The following SIGLEC9 variants were observed in gnomAD, a reference collection of about 807,000 sequenced individuals.
The protein encoded by SIGLEC9 is sialic acid-binding Ig-like lectin 9.
A neutral mutation model predicts 38.3 loss-of-function variants in SIGLEC9; 26 were observed. The observed-to-expected ratio is 0.68, with a 90% confidence interval of 0.50 to 0.94. The LOEUF (loss-of-function observed/expected upper bound fraction) is 0.94, where lower values mean the gene tolerates loss of function less well. Ranked by LOEUF, SIGLEC9 falls within the 40% of genes least tolerant of loss-of-function variation. SIGLEC9 has a pLI of 0.00. For missense variants in SIGLEC9, 556 were observed against 585.7 expected (o/e 0.95, Z 0.52); for synonymous variants, 236 against 248.0 (o/e 0.95, Z 0.45).
At chr19:51,130,743 G>T (rs77352229), downstream of SIGLEC9, among the ~76,000 whole-genome samples, 291 of 152,226 alleles carry the variant, frequency 1.9e-3, no homozygotes, top group African/African-American at 6.8e-3. Flanking sequence ...CCCATCCATG[G>T]CTCCTGGATC....
chr19:51,134,071 A>G (rs2092030346), downstream of SIGLEC9, among the ~76,000 whole-genome samples: 1 of 146,646 alleles, frequency 6.8e-6, no homozygotes, highest in Non-Finnish European at 1.5e-5. Context: ...TCAGGTTGGG[A>G]GTGGGATTTG....
downstream of SIGLEC9, among the ~76,000 whole-genome samples, chr19:51,133,446 T>C (rs978403762): frequency 1.4e-5 from 2 of 147,632 alleles, no homozygotes; most frequent in Admixed American, 6.8e-5. Context: ...ATTAGCTGGG[T>C]GTGGTGGCAG....
At position 51,125,860 on chromosome 19, in the gene SIGLEC9, C is replaced by T. The variant is rs776863887; in HGVS notation, c.685C>T (p.His229Tyr). 3 of 1,614,034 alleles carry T rather than the reference C, an allele frequency of 1.9e-6. No individual in the cohort carries two copies. Among genetic ancestry groups the T allele is most frequent in the Non-Finnish European group, 2.5e-6 (3 of 1,180,026 alleles). ...CAGCGTGACCACGAACAAGACCGTCCATCTCAACGTGTCCTGTGAGTGCTG... is the reference window on the plus strand; with the variant it reads ...CAGCGTGACCACGAACAAGACCGTCTATCTCAACGTGTCCTGTGAGTGCTG... ...GASVTTNKTVHLNVSYPPQNL... is the reference protein window; with the variant it reads ...GASVTTNKTVYLNVSYPPQNL... Residue 229 changes from histidine to tyrosine, a missense_variant, in exon 2 of 7, where the codon CAT (histidine) becomes TAT (tyrosine). Physicochemically the swap from His to Tyr is moderately conservative, Grantham distance 83. Transcript: ENST00000250360.
chr19:51,132,432 T>C (rs2092021342), downstream of SIGLEC9, among the ~76,000 whole-genome samples: 1 of 152,192 alleles, frequency 6.6e-6, no homozygotes, highest in Non-Finnish European at 1.5e-5. Context: ...TTGAAACTCC[T>C]TGACCCTGAA....
upstream of SIGLEC9, among the ~76,000 whole-genome samples, chr19:51,123,172 C>G (rs895690235): frequency 5.3e-5 from 8 of 152,204 alleles, no homozygotes; most frequent in African/African-American, 1.9e-4. Context: ...TGGCTTCCCC[C>G]CAACCCCCAT....
At position 51,125,729 on chromosome 19, in the gene SIGLEC9, T is replaced by C; in HGVS notation, c.554T>C (p.Val185Ala). ...PPMISWIGTS[V>A]SPLDPSTTRS... ...ATGATCTCCTGGATAGGGACCTCCGTGTCCCCCCTGGACCCCTCCACCACC... is the reference window on the plus strand; with the variant it reads ...ATGATCTCCTGGATAGGGACCTCCGCGTCCCCCCTGGACCCCTCCACCACC... The change falls in exon 2 of 7, where the codon GTG becomes GCG. Residue 185 changes from valine (V) to alanine (A), a missense_variant. Transcript: ENST00000250360. 2 of 1,614,052 alleles carry C rather than the reference T, an allele frequency of 1.2e-6. No individual in the cohort carries two copies. Among genetic ancestry groups the C allele is most frequent in the Non-Finnish European group, 1.7e-6 (2 of 1,179,984 alleles).
intron 2 of SIGLEC9, 102 bp from the exon 3 acceptor site, chr19:51,125,979 A>T: frequency 1.3e-6 from 2 of 1,581,968 alleles, no homozygotes; most frequent in Non-Finnish European, 1.7e-6. Flanking sequence ...GGTCAGGAGG[A>T]CACTGGCTCT....
chr19:51,120,386 G>A (rs886468833), upstream of SIGLEC9: 1 of 152,264 alleles, frequency 6.6e-6, no homozygotes, highest in Admixed American at 6.5e-5. The surrounding 1 kb of genome is among the most constrained non-coding windows in gnomAD (Gnocchi z 4.1). Flanking sequence ...CGGGGTCATG[G>A]GAAGCATTCA....
downstream of SIGLEC9, among the ~76,000 whole-genome samples, chr19:51,130,819 A>T (rs2092011063): frequency 6.6e-6 from 1 of 151,992 alleles, no homozygotes; most frequent in Non-Finnish European, 1.5e-5. Context: ...CTCCATCTTC[A>T]CCACTTAACC....
intron 6 of SIGLEC9, 150 bp downstream of exon 6, chr19:51,128,660 GT>G (rs1228478231): frequency 2.9e-6 from 2 of 686,020 alleles, no homozygotes; most frequent in African/African-American, 3.6e-5. Flanking sequence ...TGTTTGGTTG[GT>G]TTCCTCCCCT....
chr19:51,125,627 C>A lies in SIGLEC9; in HGVS notation c.452C>A (p.Pro151Gln), dbSNP rs1224086831. ...ALTHRPNILI[P>Q]GTLESGCPQN... ...ACCCACAGGCCCAACATCCTCATCCCAGGCACCCTGGAGTCCGGCTGCCCC... is the reference window on the plus strand; with the variant it reads ...ACCCACAGGCCCAACATCCTCATCCAAGGCACCCTGGAGTCCGGCTGCCCC... The change falls in exon 2 of 7, where the codon CCA becomes CAA. Residue 151 changes from proline to glutamine, a missense_variant. Coordinates refer to ENST00000250360, the MANE Select transcript of SIGLEC9 (RefSeq NM_014441.3). The A allele has an allele frequency of 6.2e-7, 1 of 1,612,438 alleles. No individual in the cohort carries two copies. The highest frequency in any genetic ancestry group is 8.5e-7 in the Non-Finnish European group (1 of 1,179,992).
Position 51,125,890 on chromosome 19 carries a change from G to A in SIGLEC9, c.700+15G>A, listed in dbSNP as rs369664082. 3.8e-5 allele frequency: 62 copies of A among 1,613,874 alleles called. No homozygotes were observed. Among genetic ancestry groups the A allele is most frequent in the African/African-American group, 3.3e-4 (25 of 75,002 alleles). ...CAACGTGTCCTGTGAGTGCTGGGCC[G>A]GGACGCCTGGGTCCCTGATGGGGTG... On this transcript the variant is annotated intron_variant, in intron 2 of 6. Transcript: ENST00000250360.
upstream of SIGLEC9, chr19:51,124,900 G>T (rs954442221): frequency 1.4e-5 from 21 of 1,538,084 alleles, no homozygotes; most frequent in Non-Finnish European, 1.7e-5. Flanking sequence ...TCTAAGTCTT[G>T]AGCCCGCAGT....
At position 51,125,047 on chromosome 19, in the gene SIGLEC9, A is replaced by G. The variant is rs745445658; in HGVS notation, c.73A>G (p.Met25Val). The G allele has an allele frequency of 1.2e-6, 2 of 1,614,042 alleles. No homozygotes were observed. Among genetic ancestry groups the G allele is most frequent in the African/African-American group, 1.3e-5 (1 of 75,016 alleles). Residue 25 changes from methionine to valine, a missense_variant, in exon 1 of 7, where the codon ATG (methionine) becomes GTG (valine). Coordinates refer to ENST00000250360, the MANE Select transcript of SIGLEC9 (RefSeq NM_014441.3). Reference sequence around the variant, plus strand: ...AGGACAGACAAGTAAACTGCTGACGATGCAGAGTTCCGTGACGGTGCAGGA... The same window carrying G: ...AGGACAGACAAGTAAACTGCTGACGGTGCAGAGTTCCGTGACGGTGCAGGA... Reference protein sequence around the residue: ...AEGQTSKLLTMQSSVTVQEGL... With the variant: ...AEGQTSKLLTVQSSVTVQEGL...
chr19:51,125,575 T>C lies in SIGLEC9; in HGVS notation c.422-22T>C, dbSNP rs564495277. On this transcript the variant is annotated intron_variant, in intron 1 of 6. Coordinates refer to ENST00000250360, the MANE Select transcript of SIGLEC9 (RefSeq NM_014441.3). ...CACCATGGATCCTCTGACCTGATCCTGAGTCCCCCTCTCTTCACCAGCCTT... is the reference window on the plus strand; with the variant it reads ...CACCATGGATCCTCTGACCTGATCCCGAGTCCCCCTCTCTTCACCAGCCTT... 4.4e-6 allele frequency: 7 copies of C among 1,607,214 alleles called. No individual in the cohort carries two copies. The African/African-American group carries it at 8.0e-5, about 18-fold the overall frequency.
intron 6 of SIGLEC9, 73 bp from the exon 7 acceptor site, chr19:51,129,818 G>C (rs919293167): frequency 1.8e-6 from 2 of 1,101,876 alleles, no homozygotes; most frequent in African/African-American, 3.2e-5. Flanking sequence ...TGAAGAGCTG[G>C]GATTACAGAT....
rs761915084 is a variant in SIGLEC9 at position 51,125,816 on chromosome 19, A to C, written c.641A>C (p.Gln214Pro). Residue 214 changes from glutamine (Q) to proline (P), a missense_variant, in exon 2 of 7, where the codon CAG becomes CCG. Physicochemically the swap from Gln to Pro is moderately conservative, Grantham distance 76. Coordinates refer to ENST00000250360, the MANE Select transcript of SIGLEC9 (RefSeq NM_014441.3). ...GACCATGGCACCAGCCTCACCTGTC[A>C]GGTGACCTTCCCTGGGGCCAGCGTG... ...PQDHGTSLTC[Q>P]VTFPGASVTT... 1.9e-6 allele frequency: 3 copies of C among 1,614,120 alleles called. No homozygotes were observed. Among genetic ancestry groups the C allele is most frequent in the Non-Finnish European group, 1.7e-6 (2 of 1,180,012 alleles).
At chr19:51,121,273 G>A (rs1425123668), upstream of SIGLEC9, among the ~76,000 whole-genome samples, 2 of 151,786 alleles carry the variant, frequency 1.3e-5, no homozygotes, top group Admixed American at 1.3e-4. Flanking sequence ...CTTATGCCTC[G>A]GCCTCTGGAG....
chr19:51,126,321 C>T (rs541151938), intron 3 of SIGLEC9, among the ~76,000 whole-genome samples, 193 bp downstream of exon 3: 1 of 151,794 alleles, frequency 6.6e-6, no homozygotes, highest in East Asian at 1.9e-4. Context: ...GACTCCCCCA[C>T]ACACCCCCCC....
Sources: allele counts gnomAD v4.1 joint callset (sites outside exome capture counted in the v4.1 genomes callset), GRCh38; gene constraint gnomAD v4.1.1; non-coding constraint Gnocchi (gnomAD v3.1); transcripts MANE v1.5; gene names NCBI Gene and HGNC (gene_info 2026-07-23, HGNC 2026-07-21).